STRN: variants seen among roughly 807,000 people sequenced by gnomAD.
The protein encoded by STRN is protein phosphatase 2 regulatory subunit B'''alpha.
STRN carries 53 observed loss-of-function variants against 96.3 expected under a neutral mutation model. That is an observed-to-expected ratio of 0.55 (90% CI 0.44 to 0.69). The LOEUF (loss-of-function observed/expected upper bound fraction) is 0.69. STRN is among the 30% of genes least tolerant of loss of function. The pLI, the probability that STRN is intolerant of heterozygous loss-of-function variation, is 0.00. For synonymous variants in STRN, 428 were observed against 355.9 expected (o/e 1.20, Z -2.28); for missense variants, 987 against 963.9 (o/e 1.02, Z -0.32).
At chr2:36,955,338 G>A (rs1664858680) in intron 1 of STRN, among the ~76,000 whole-genome samples, 1 of 152,212 alleles carries the variant, frequency 6.6e-6, no homozygotes, top group Non-Finnish European at 1.5e-5. Context: ...AGGTCCCTCT[G>A]AGGTAAAATA....
chr2:36,881,498 C>T (rs1264209940), intron 9 of STRN, among the ~76,000 whole-genome samples: 1 of 152,180 alleles, frequency 6.6e-6, no homozygotes, highest in Non-Finnish European at 1.5e-5. Flanking sequence ...AGCATATGAA[C>T]ATTCTTTCTG....
At chr2:36,916,218 T>C (rs1670094690) in intron 2 of STRN, 67 bp from the exon 3 acceptor site, 2 of 1,345,612 alleles carry the variant, frequency 1.5e-6, no homozygotes, top group Non-Finnish European at 2.1e-6. Flanking sequence ...ACAATAGTAG[T>C]AGTCACAAGA....
intron 7 of STRN, 75 bp downstream of exon 7, chr2:36,893,823 T>C: frequency 2.0e-6 from 3 of 1,495,466 alleles, no homozygotes; most frequent in Non-Finnish European, 2.7e-6. Context: ...ATAGTTAAGA[T>C]GTTGCCCTCC....
rs1458699451 is a variant in STRN at position 36,846,641 on chromosome 2, C to A, written c.*2815G>T. 6.6e-6 allele frequency: 1 copy of A among 151,082 alleles called. No homozygotes were observed. The highest frequency in any genetic ancestry group is 1.5e-5 in the Non-Finnish European group (1 of 67,836). The allele number at this position is 151,082 out of a possible 1,614,324, so 9.4% of individuals were successfully genotyped here. A position where few individuals can be genotyped will look rare whatever the true frequency, so the allele number is the denominator to read the frequency against. On this transcript the variant is annotated 3_prime_UTR_variant, in exon 18 of 18. Transcript: ENST00000263918. ...TCAATTTCCCCCGTTTTAGTCATAA[C>A]TAAAATGATTATAAAAGCGAAATAT... is the stretch of plus-strand genomic sequence containing the variant.
intron 1 of STRN, among the ~76,000 whole-genome samples, chr2:36,934,771 T>C (rs1484000521): frequency 6.6e-6 from 1 of 152,166 alleles, no homozygotes. Flanking sequence ...ACACATCCTA[T>C]GTTCCAATCA....
chr2:36,928,465 A>C (rs983707248), intron 1 of STRN, among the ~76,000 whole-genome samples: 4 of 151,424 alleles, frequency 2.6e-5, no homozygotes, highest in African/African-American at 9.7e-5. Context: ...CAGCCTGGCC[A>C]ACATGGTGAA....
At chr2:36,941,398 T>TA (rs529844679) in intron 1 of STRN, among the ~76,000 whole-genome samples, 1 of 152,150 alleles carries the variant, frequency 6.6e-6, no homozygotes, top group Non-Finnish European at 1.5e-5. Context: ...CTCCACCCCA[T>TA]AAAAAAGTAA....
chr2:36,879,634 C>A (rs1251024487), intron 9 of STRN, among the ~76,000 whole-genome samples: 1 of 152,152 alleles, frequency 6.6e-6, no homozygotes, highest in Non-Finnish European at 1.5e-5. Context: ...CAGAGATAGT[C>A]TTTGAGTAGT....
intron 1 of STRN, among the ~76,000 whole-genome samples, chr2:36,954,904 G>A (rs1219779375): frequency 6.6e-6 from 1 of 152,122 alleles, no homozygotes; most frequent in African/African-American, 2.4e-5. Flanking sequence ...CTCCCAAAGT[G>A]CTAGGATTAA....
intron 9 of STRN, among the ~76,000 whole-genome samples, chr2:36,882,058 C>T (rs1171083649): frequency 6.6e-6 from 1 of 152,030 alleles, no homozygotes; most frequent in Non-Finnish European, 1.5e-5. Context: ...ATTCCAAGTG[C>T]TATAATTGAC....
At chr2:36,947,627 T>A (rs1358190766) in intron 1 of STRN, among the ~76,000 whole-genome samples, 1 of 150,264 alleles carries the variant, frequency 6.7e-6, no homozygotes, top group Non-Finnish European at 1.5e-5. Context: ...AATGTAGAAC[T>A]GTGTTCTACA....
At chr2:36,877,345 A>G (rs1482469229) in intron 10 of STRN, among the ~76,000 whole-genome samples, 1 of 152,246 alleles carries the variant, frequency 6.6e-6, no homozygotes, top group Admixed American at 6.5e-5. Context: ...TCTTTCCCCT[A>G]TCAAAAACCA....
intron 3 of STRN, among the ~76,000 whole-genome samples, chr2:36,908,959 C>T (rs1033593601): frequency 1.7e-4 from 26 of 150,552 alleles, no homozygotes; most frequent in African/African-American, 6.4e-4. Flanking sequence ...CCAGCCTGGG[C>T]GACAGAGCAA....
At chr2:36,915,274 A>ATATATAG (rs1274039251) in intron 3 of STRN, among the ~76,000 whole-genome samples, 1 of 96,658 alleles carries the variant, frequency 1.0e-5, no homozygotes, top group Admixed American at 1.3e-4. Flanking sequence ...TATATATATA[A>ATATATAG]AGCCTCTAGC....
rs1402021111 is a variant in STRN at position 36,846,438 on chromosome 2, AT to A, written c.*3017del. 13 of 121,640 alleles carry A rather than the reference AT, an allele frequency of 1.1e-4. 1 individual carries two copies. In the South Asian group the frequency reaches 2.6e-3, roughly 25 times the overall value. 7.5% of individuals were successfully genotyped at this position (121,640 alleles called of 1,614,324 possible). A position where few individuals can be genotyped will look rare whatever the true frequency, so the allele number is the denominator to read the frequency against. On this transcript the variant is annotated 3_prime_UTR_variant, in exon 18 of 18. Coordinates refer to ENST00000263918, the MANE Select transcript of STRN (RefSeq NM_003162.4). Reference sequence around the variant, plus strand: ...ATATATATATATATATAGTTTATATATTATATATATTCTTACAATATATATA... The same window carrying A: ...ATATATATATATATATAGTTTATATATATATATATTCTTACAATATATATA...
intron 13 of STRN, 98 bp downstream of exon 13, chr2:36,861,034 A>T (rs1420669341): frequency 7.0e-7 from 1 of 1,427,488 alleles, no homozygotes; most frequent in African/African-American, 1.5e-5. Context: ...TTACCTATTT[A>T]TTTTCAAAAA....
At chr2:36,868,226 T>C (rs1298181990) in intron 11 of STRN, among the ~76,000 whole-genome samples, 1 of 149,296 alleles carries the variant, frequency 6.7e-6, no homozygotes, top group Non-Finnish European at 1.5e-5. Context: ...CTTTCTGAAC[T>C]TCAGATTACT....
rs1040099114 is a variant in STRN at position 36,902,620 on chromosome 2, C to T, written c.623G>A (p.Gly208Asp). ...TGTCTCTTTAACTTCAGCCTCTGTG[C>T]CATTTACAACTGAGTCCTGATTTTT... ...DDKNQDSVVN[G>D]TEAEVKETAM... is the part of the protein sequence containing the mutation. Residue 208 changes from glycine (G) to aspartate (D), a missense_variant, in exon 5 of 18, where the codon GGC becomes GAC. By Grantham distance (94) the Gly-to-Asp change is moderately conservative. Transcript: ENST00000263918. 4.3e-6 allele frequency: 7 copies of T among 1,609,768 alleles called. No individual in the cohort carries two copies. The African/African-American group carries it at 8.0e-5, about 18-fold the overall frequency.
intron 1 of STRN, among the ~76,000 whole-genome samples, chr2:36,961,679 C>T (rs1216989128): frequency 6.6e-6 from 1 of 152,110 alleles, no homozygotes; most frequent in Non-Finnish European, 1.5e-5. Flanking sequence ...GTTCTGAATC[C>T]TTACAAGGGG....
Sources: allele counts gnomAD v4.1 joint callset (sites outside exome capture counted in the v4.1 genomes callset), GRCh38; gene constraint gnomAD v4.1.1; transcripts MANE v1.5; gene names NCBI Gene and HGNC (gene_info 2026-07-23, HGNC 2026-07-21).